SENP7: variants seen among roughly 807,000 people sequenced by gnomAD.
SENP7 encodes the protein SUMO specific peptidase 7, also known as sentrin-specific protease 7.
In SENP7, 64 loss-of-function variants were observed where a neutral mutation model predicts 141.2. That is an observed-to-expected ratio of 0.45 (90% CI 0.37 to 0.56). SENP7 has a LOEUF of 0.56. Ranked by LOEUF, SENP7 falls within the 20% of genes least tolerant of loss-of-function variation. The pLI is 0.00. For missense variants in SENP7, 1,025 were observed against 1,212.2 expected (o/e 0.85, Z 2.29); for synonymous variants, 382 against 426.4 (o/e 0.90, Z 1.28).
At chr3:101,349,715 A>T (rs902578078) in intron 12 of SENP7, among the ~76,000 whole-genome samples, 3 of 152,092 alleles carry the variant, frequency 2.0e-5, no homozygotes, top group Non-Finnish European at 4.4e-5. Context: ...TTATCTTTTT[A>T]AAAAAAGGGA....
intron 2 of SENP7, among the ~76,000 whole-genome samples, chr3:101,496,444 C>T (rs1183564836): frequency 6.6e-6 from 1 of 152,052 alleles, no homozygotes; most frequent in African/African-American, 2.4e-5. Context: ...TTTGCAGACA[C>T]AGGGTCTTAC....
chr3:101,450,500 T>C (rs1265960658), intron 4 of SENP7, among the ~76,000 whole-genome samples: 1 of 152,054 alleles, frequency 6.6e-6, no homozygotes, highest in South Asian at 2.1e-4. Context: ...GAACAGAAAT[T>C]ATAACAAACT....
chr3:101,334,182 G>A (rs1332802020), intron 17 of SENP7, among the ~76,000 whole-genome samples: 3 of 152,148 alleles, frequency 2.0e-5, no homozygotes, highest in Non-Finnish European at 2.9e-5. Flanking sequence ...AGGGGTTGGG[G>A]ACCCCCTTAT....
intron 5 of SENP7, among the ~76,000 whole-genome samples, chr3:101,409,909 T>C (rs924060696): frequency 6.6e-6 from 1 of 152,064 alleles, no homozygotes; most frequent in African/African-American, 2.4e-5. Context: ...CCAAAACAAA[T>C]GCAATAAAAA....
chr3:101,387,873 G>A (rs868640779), intron 6 of SENP7, among the ~76,000 whole-genome samples: 2 of 152,194 alleles, frequency 1.3e-5, no homozygotes, highest in African/African-American at 2.4e-5. Flanking sequence ...ACTAGGGATC[G>A]ACTAGGGAGC....
chr3:101,503,008 A>G (rs2065453239), intron 1 of SENP7, among the ~76,000 whole-genome samples: 1 of 152,290 alleles, frequency 6.6e-6, no homozygotes, highest in African/African-American at 2.4e-5. Context: ...TATTTATAAT[A>G]CATGTATTTG....
chr3:101,325,779 A>G lies in SENP7; in HGVS notation c.*164T>C. 1 of 491,468 alleles carries G rather than the reference A, an allele frequency of 2.0e-6. No homozygotes were observed. 30.4% of individuals were successfully genotyped at this position (491,468 alleles called of 1,614,324 possible). On this transcript the variant is annotated 3_prime_UTR_variant, in exon 24 of 24. Transcript: ENST00000394095. ...ATTCCCATTCCATCTATGAGATCCC[A>G]ACAATTCTAATAATGTGTCCTACAT...
rs574166107 is a variant in SENP7, at chr3:101,366,586, C to T, written c.1162G>A (p.Gly388Ser). The T allele has an allele frequency of 9.3e-6, 15 of 1,613,766 alleles. No individual in the cohort carries two copies. Among genetic ancestry groups the T allele is most frequent in the African/African-American group, 4.0e-5 (3 of 74,874 alleles). ...LSNATKSASA[G>S]STTETVENSN... ...TTCTCAACGGTTTCAGTGGTTGAAC[C>T]GGCAGAGGCACTTTTGGTGGCATTA... The change falls in exon 9 of 24, where the codon GGT becomes AGT. Residue 388 changes from glycine (G) to serine (S), a missense_variant. Around this residue, in one of 4 missense-constraint regions of SENP7, gnomAD observed 496 missense variants for 503.5 expected, o/e 0.99. Transcript: ENST00000394095.
intron 4 of SENP7, among the ~76,000 whole-genome samples, chr3:101,436,593 T>C (rs1202633871): frequency 6.6e-6 from 1 of 151,460 alleles, no homozygotes; most frequent in African/African-American, 2.4e-5. Context: ...TCTAATAATG[T>C]GAGCAAAAAA....
chr3:101,379,872 C>G (rs1356234239), intron 6 of SENP7, among the ~76,000 whole-genome samples: 1 of 152,096 alleles, frequency 6.6e-6, no homozygotes, highest in Non-Finnish European at 1.5e-5. Context: ...ACACTGAACA[C>G]CCATGTTCAT....
chr3:101,374,531 G>A (rs2060265914), intron 6 of SENP7, among the ~76,000 whole-genome samples: 1 of 152,046 alleles, frequency 6.6e-6, no homozygotes, highest in South Asian at 2.1e-4. Flanking sequence ...TGAGGAGTGA[G>A]GATTGCTTGA....
chr3:101,337,438 C>A, intron 17 of SENP7, 71 bp downstream of exon 17: 1 of 1,116,596 alleles, frequency 9.0e-7, no homozygotes, highest in Non-Finnish European at 1.3e-6. Context: ...TATAAAGAAG[C>A]CACTTTACTA....
chr3:101,474,046 T>C (rs1338983641), intron 3 of SENP7, among the ~76,000 whole-genome samples: 1 of 152,132 alleles, frequency 6.6e-6, no homozygotes, highest in Non-Finnish European at 1.5e-5. Context: ...TAGTTGTAGG[T>C]ATGCAGTCTT....
chr3:101,402,185 A>G (rs2061163901), intron 5 of SENP7, among the ~76,000 whole-genome samples: 1 of 152,196 alleles, frequency 6.6e-6, no homozygotes, highest in Non-Finnish European at 1.5e-5. Flanking sequence ...AATGACATCT[A>G]GGAATTCCAT....
intron 5 of SENP7, among the ~76,000 whole-genome samples, chr3:101,401,357 C>T (rs1179254595): frequency 5.9e-5 from 9 of 151,484 alleles, no homozygotes; most frequent in African/African-American, 1.9e-4. Flanking sequence ...GGTGAAACCC[C>T]GTCTCTACTA....
At chr3:101,485,618 A>G (rs2108060924) in intron 3 of SENP7, among the ~76,000 whole-genome samples, 1 of 152,320 alleles carries the variant, frequency 6.6e-6, no homozygotes, top group African/African-American at 2.4e-5. Flanking sequence ...AACAGCCTTC[A>G]GCCCTAGACC....
At chr3:101,332,982 A>G in intron 17 of SENP7, 120 bp from the exon 18 acceptor site, 1 of 991,116 alleles carries the variant, frequency 1.0e-6, no homozygotes, top group South Asian at 1.9e-5. Context: ...TCTTTAAGAT[A>G]TATCATATTT....
At chr3:101,451,846 T>C (rs1002298969) in intron 4 of SENP7, among the ~76,000 whole-genome samples, 1 of 152,168 alleles carries the variant, frequency 6.6e-6, no homozygotes, top group African/African-American at 2.4e-5. Flanking sequence ...CAACATTGTG[T>C]TGGAAGTTCT....
At chr3:101,373,645 G>C (rs2060239510) in intron 6 of SENP7, among the ~76,000 whole-genome samples, 1 of 152,118 alleles carries the variant, frequency 6.6e-6, no homozygotes, top group South Asian at 2.1e-4. Flanking sequence ...GGATTTTCTT[G>C]ACTAAACGCT....
Sources: gnomAD v4.1 joint callset for allele counts (sites outside exome capture counted in the v4.1 genomes callset) on GRCh38, gnomAD v4.1.1 for gene constraint, gnomAD v4.1.1 regional missense constraint, MANE v1.5 for transcripts, NCBI Gene and HGNC (gene_info 2026-07-23, HGNC 2026-07-21) for gene names.